Variants in FGB observed in about 807,000 individuals in gnomAD.
FGB encodes the protein fibrinogen beta chain, also known as beta-fibrinogen.
In FGB, 25 loss-of-function variants were observed where a neutral mutation model predicts 57.9. The ratio of observed to expected loss-of-function variants is 0.43; its 90% confidence interval spans 0.31 to 0.60. The LOEUF is 0.60. Among genes scored for constraint, FGB ranks in the 20% least tolerant of loss-of-function variants. The pLI is 0.08. For missense variants in FGB, 536 were observed against 598.4 expected, an observed-to-expected ratio of 0.90 and a Z score of 1.09; for synonymous variants, 203 against 199.2, an observed-to-expected ratio of 1.02 and a Z score of -0.16.
intron 1 of FGB, among the ~76,000 whole-genome samples, chr4:154,564,701 T>G (rs2227399): frequency 0.15 from 23,465 of 152,034 alleles, 2,182 homozygotes; most frequent in Middle Eastern, 0.23. Flanking sequence ...TGCTCAGTTG[T>G]TCCAAATCAT....
chr4:154,569,311 A>G lies in FGB; in HGVS notation c.958+4A>G. ...AAGAATTACTGTGGCCTACCAGGTA[A>G]CGAACAGGCATGCAAAATAAAATCA... On this transcript the variant is annotated splice_donor_region_variant and intron_variant, in intron 6 of 7. Transcript: ENST00000302068. 6.2e-7 allele frequency: 1 copy of G among 1,614,154 alleles called. No homozygotes were observed. The highest frequency in any genetic ancestry group is 1.3e-5 in the African/African-American group (1 of 75,058).
chr4:154,565,338 C>T lies in FGB; in HGVS notation c.115-470C>T, dbSNP rs2227433. 1,822 of 299,228 alleles carry T rather than the reference C, an allele frequency of 6.1e-3. 14 individuals carry two copies. Among genetic ancestry groups the T allele is most frequent in the Non-Finnish European group, 7.0e-3 (1,011 of 143,692 alleles). The allele number at this position is 299,228 out of a possible 1,614,324, so 18.5% of individuals were successfully genotyped here. On this transcript the variant is annotated intron_variant, in intron 1 of 7. Transcript: ENST00000302068. ...ACAAATAAATTCCAAGTAGAATCAA[C>T]CTTTAATAAGTCTTTAATGTCTCTT... is the stretch of plus-strand genomic sequence containing the variant.
At position 154,571,670 on chromosome 4, in the gene FGB, CT is replaced by C. The variant is rs1315462849; in HGVS notation, c.*1028del. Reference sequence around the variant, plus strand: ...AGGTCTATTCTTGTCCTCAATTAGGCTTTTTTTTCTTCATAGTTACACCAGA... The same window carrying C: ...AGGTCTATTCTTGTCCTCAATTAGGCTTTTTTTCTTCATAGTTACACCAGA... On this transcript the variant is annotated 3_prime_UTR_variant, in exon 8 of 8. Transcript: ENST00000302068. Among the ~76,000 whole-genome samples the C allele has an allele frequency of 3.9e-5, 6 of 151,950 alleles. No individual in the cohort carries two copies. The East Asian group carries it at 1.2e-3, about 29-fold the overall frequency.
In FGB at chr4:154,571,820, T is replaced by C. The variant is rs1213335688; in HGVS notation, c.*1170T>C. 6.6e-6 allele frequency among the ~76,000 whole-genome samples: 1 copy of C among 152,236 alleles called. No homozygotes were observed. Among genetic ancestry groups the C allele is most frequent in the Non-Finnish European group, 1.5e-5 (1 of 68,038 alleles). ...GACCCTAGGTCCTCCACCCCTAATGTATCATCATTGCCACCCATTTTTATG... is the reference window on the plus strand; with the variant it reads ...GACCCTAGGTCCTCCACCCCTAATGCATCATCATTGCCACCCATTTTTATG... On this transcript the variant is annotated 3_prime_UTR_variant, in exon 8 of 8. Coordinates refer to ENST00000302068, the MANE Select transcript of FGB (RefSeq NM_005141.5).
In FGB at chr4:154,570,759, G is replaced by T; in HGVS notation, c.*109G>T. On this transcript the variant is annotated 3_prime_UTR_variant, in exon 8 of 8. Transcript: ENST00000302068. ...ATTCCTCTAAAACTCTCAAGCAGAC[G>T]TGAGTGTGACTTTTTGAAAAAAGTA... 1 of 838,910 alleles carries T rather than the reference G, an allele frequency of 1.2e-6. No individual in the cohort carries two copies. Among genetic ancestry groups the T allele is most frequent in the Non-Finnish European group, 2.0e-6 (1 of 495,372 alleles). 52.0% of individuals were successfully genotyped at this position (838,910 alleles called of 1,614,324 possible).
At chr4:154,563,236 G>A (rs1333365554) in intron 1 of FGB, 104 bp downstream of exon 1, 1 of 587,752 alleles carries the variant, frequency 1.7e-6, no homozygotes. Flanking sequence ...ATTGCTTATA[G>A]TTATGAAATG....
chr4:154,564,520 C>T (rs1427017934), intron 1 of FGB, among the ~76,000 whole-genome samples: 1 of 151,962 alleles, frequency 6.6e-6, no homozygotes, highest in East Asian at 1.9e-4. Flanking sequence ...TGTATATAGT[C>T]AACTGGTTAA....
rs1730388855 is a variant in FGB, at chr4:154,570,701, A to AGTATG, written c.*51_*52insGTATG. Reference sequence around the variant, plus strand: ...TCTGTATGTGACAACATTTTTGTACATTATGTTATTGGAATTTTCTTTCAT... The same window carrying AGTATG: ...TCTGTATGTGACAACATTTTTGTACAGTATGTTATGTTATTGGAATTTTCTTTCAT... On this transcript the variant is annotated 3_prime_UTR_variant, in exon 8 of 8. Coordinates refer to ENST00000302068, the MANE Select transcript of FGB (RefSeq NM_005141.5). The AGTATG allele has an allele frequency of 7.2e-7, 1 of 1,383,514 alleles. No homozygotes were observed. The highest frequency in any genetic ancestry group is 1.0e-6 in the Non-Finnish European group (1 of 973,976). The allele number at this position is 1,383,514 out of a possible 1,614,324, so 85.7% of individuals were successfully genotyped here.
At chr4:154,565,731 AAATGAGGGTGTTGG>A in intron 1 of FGB, 63 bp from the exon 2 acceptor site, 2 of 1,408,588 alleles carry the variant, frequency 1.4e-6, no homozygotes, top group Admixed American at 3.8e-5. Flanking sequence ...CTAAATTATA[AAATGAGGGTGTTGG>A]AATAGTTACA....
Position 154,567,782 on chromosome 4 carries a change from G to A in FGB, c.680G>A (p.Cys227Tyr). The change falls in exon 4 of 8, where the codon TGC becomes TAC. Residue 227 changes from cysteine to tyrosine, a missense_variant. Cys to Tyr is a radical substitution (Grantham distance 194). Around this residue, in one of 3 missense-constraint regions of FGB, gnomAD observed 354 missense variants for 383.4 expected, o/e 0.92. Transcript: ENST00000302068. ...SAQMEYCRTP[C>Y]TVSCNIPVVS... is the part of the protein sequence containing the mutation. ...CAAATGGAATATTGTCGCACCCCAT[G>A]CACTGTCAGTTGCAATATTCCTGTG... 6.2e-7 allele frequency: 1 copy of A among 1,613,942 alleles called. No individual in the cohort carries two copies. The highest frequency in any genetic ancestry group is 1.1e-5 in the South Asian group (1 of 91,078).
rs1384960286 is a variant in FGB at position 154,572,416 on chromosome 4, A to G, written c.*1766A>G. 6.6e-6 allele frequency among the ~76,000 whole-genome samples: 1 copy of G among 152,228 alleles called. No homozygotes were observed. Among genetic ancestry groups the G allele is most frequent in the Non-Finnish European group, 1.5e-5 (1 of 68,042 alleles). ...GTGGTCCAGTGGCAGTGGGCTGGAC[A>G]GGACCGCTACTATTTGTAAAGAGTA... On this transcript the variant is annotated 3_prime_UTR_variant, in exon 8 of 8. Transcript: ENST00000302068.
At chr4:154,563,694 GTTA>G (rs1180850069) in intron 1 of FGB, among the ~76,000 whole-genome samples, 9 of 151,784 alleles carry the variant, frequency 5.9e-5, no homozygotes, top group African/African-American at 2.2e-4. Context: ...AGTGTGTATT[GTTA>G]TTATTAATAG....
At position 154,572,445 on chromosome 4, in the gene FGB, A is replaced by C. The variant is rs1730466442; in HGVS notation, c.*1795A>C. On this transcript the variant is annotated 3_prime_UTR_variant, in exon 8 of 8. Transcript: ENST00000302068. ...CCGCTACTATTTGTAAAGAGTATGT[A>C]GTTTATATAACATTTCTACTTAGCA... Among the ~76,000 whole-genome samples, 1 of 152,188 alleles carries C rather than the reference A, an allele frequency of 6.6e-6. No individual in the cohort carries two copies. Among genetic ancestry groups the C allele is most frequent in the Non-Finnish European group, 1.5e-5 (1 of 68,034 alleles).
chr4:154,568,062 G>A lies in FGB; in HGVS notation c.718+242G>A, dbSNP rs2227413. ...AGGGGTGGCTGATGTGTGCATCTGC[G>A]TACTGGCTTGAACAGATGGCAGAAC... is the stretch of plus-strand genomic sequence containing the variant. On this transcript the variant is annotated intron_variant, in intron 4 of 7. Coordinates refer to ENST00000302068, the MANE Select transcript of FGB (RefSeq NM_005141.5). Among the ~76,000 whole-genome samples the A allele has an allele frequency of 1.7e-3, 263 of 152,238 alleles. 1 individual carries two copies. The highest frequency in any genetic ancestry group is 0.01 in the Middle Eastern group (3 of 294).
At chr4:154,565,254 C>T (rs1357934053) in intron 1 of FGB, 1 of 434,956 alleles carries the variant, frequency 2.3e-6, no homozygotes, top group Admixed American at 2.8e-5. Context: ...ACCCTACGGT[C>T]AAGACCTACA....
chr4:154,568,565 G>C, intron 5 of FGB, 71 bp downstream of exon 5: 1 of 898,726 alleles, frequency 1.1e-6, no homozygotes, highest in Non-Finnish European at 1.9e-6. Context: ...AGGAAACAAG[G>C]CCAGGTGTGG....
rs1014686372 is a variant in FGB at position 154,572,663 on chromosome 4, T to C, written c.*2013T>C. Among the ~76,000 whole-genome samples, 1 of 152,212 alleles carries C rather than the reference T, an allele frequency of 6.6e-6. No individual in the cohort carries two copies. The highest frequency in any genetic ancestry group is 1.5e-5 in the Non-Finnish European group (1 of 68,038). ...TTCTTCTTAGACCATACAGTCATTCTCAGGGTATGCTTGAGTTAATGCTGT... is the reference window on the plus strand; with the variant it reads ...TTCTTCTTAGACCATACAGTCATTCCCAGGGTATGCTTGAGTTAATGCTGT... On this transcript the variant is annotated 3_prime_UTR_variant, in exon 8 of 8. Coordinates refer to ENST00000302068, the MANE Select transcript of FGB (RefSeq NM_005141.5).
Position 154,569,765 on chromosome 4 carries a change from T to C in FGB, c.1210T>C (p.Phe404Leu), listed in dbSNP as rs1730341041. ...NRTMTIHNGM[F>L]FSTYDRDNDG... ...GACCATGACCATTCACAACGGCATG[T>C]TCTTCAGCACGTATGACAGAGACAA... Residue 404 changes from phenylalanine to leucine, a missense_variant, in exon 7 of 8, where the codon TTC becomes CTC. By Grantham distance (22) the Phe-to-Leu change is conservative. This residue lies in a region of FGB where 177 missense variants were observed against 193.7 expected (regional missense o/e 0.91). Coordinates refer to ENST00000302068, the MANE Select transcript of FGB (RefSeq NM_005141.5). The C allele has an allele frequency of 6.2e-7, 1 of 1,614,160 alleles. No individual in the cohort carries two copies. The highest frequency in any genetic ancestry group is 8.5e-7 in the Non-Finnish European group (1 of 1,180,018).
In FGB at chr4:154,566,669, A is replaced by G; in HGVS notation, c.487A>G (p.Lys163Glu). The change falls in exon 3 of 8, where the codon AAA becomes GAA. Residue 163 changes from lysine to glutamate, a missense_variant. Physicochemically the swap from Lys to Glu is moderately conservative, Grantham distance 56. This residue lies in a region of FGB where 354 missense variants were observed against 383.4 expected (regional missense o/e 0.92). Coordinates refer to ENST00000302068, the MANE Select transcript of FGB (RefSeq NM_005141.5). Reference sequence around the variant, plus strand: ...GTGGCAAAAGAGGCAGAAGCAAGTAAAAGGTAGATATCCTTGTGCTTTCCA... The same window carrying G: ...GTGGCAAAAGAGGCAGAAGCAAGTAGAAGGTAGATATCCTTGTGCTTTCCA... Reference protein sequence around the residue: ...DLWQKRQKQVKDNENVVNEYS... With the variant: ...DLWQKRQKQVEDNENVVNEYS... The G allele has an allele frequency of 2.5e-6, 4 of 1,613,956 alleles. No individual in the cohort carries two copies. The Middle Eastern group carries it at 6.6e-4, about 266-fold the overall frequency.
Sources: allele counts gnomAD v4.1 joint callset (sites outside exome capture counted in the v4.1 genomes callset), GRCh38; gene constraint gnomAD v4.1.1; regional missense constraint gnomAD v4.1.1; transcripts MANE v1.5; gene names NCBI Gene and HGNC (gene_info 2026-07-23, HGNC 2026-07-21).